LUZP2: variants seen among roughly 807,000 people sequenced by gnomAD.
LUZP2 encodes leucine zipper protein 2.
A neutral mutation model predicts 51.6 loss-of-function variants in LUZP2; 52 were observed. The observed-to-expected ratio is 1.01, with a 90% confidence interval of 0.81 to 1.27. The LOEUF is 1.27. LUZP2 is among the 50% of genes most tolerant of loss of function. LUZP2 has a pLI of 0.00. For synonymous variants in LUZP2, 154 were observed against 137.3 expected (o/e 1.12, Z -0.85); for missense variants, 436 against 395.4 (o/e 1.10, Z -0.87).
chr11:24,709,175 T>A (rs1011500902), intron 1 of LUZP2, among the ~76,000 whole-genome samples: 2 of 152,176 alleles, frequency 1.3e-5, no homozygotes, highest in African/African-American at 4.8e-5. Context: ...TCTGGATTTA[T>A]CACAGGACTT....
At chr11:24,601,296 C>G (rs1302479586) in intron 1 of LUZP2, among the ~76,000 whole-genome samples, 1 of 152,048 alleles carries the variant, frequency 6.6e-6, no homozygotes, top group East Asian at 1.9e-4. Flanking sequence ...TATTTTGAGG[C>G]CCTATACAGA....
chr11:25,016,991 T>C (rs893932391), intron 9 of LUZP2, among the ~76,000 whole-genome samples: 5 of 152,300 alleles, frequency 3.3e-5, no homozygotes, highest in African/African-American at 9.6e-5. Flanking sequence ...TGGTATCTCA[T>C]TGTGGTTTTA....
chr11:24,951,465 T>C (rs998615540), intron 7 of LUZP2, among the ~76,000 whole-genome samples: 1 of 151,498 alleles, frequency 6.6e-6, no homozygotes, highest in African/African-American at 2.4e-5. Context: ...TATTTTACGA[T>C]TATTTTTCTA....
At chr11:24,779,142 A>C (rs969217859) in intron 5 of LUZP2, among the ~76,000 whole-genome samples, 1 of 152,194 alleles carries the variant, frequency 6.6e-6, no homozygotes, top group Non-Finnish European at 1.5e-5. Context: ...TTGCACCTAT[A>C]TTTACATTAA....
At chr11:25,051,610 GT>G (rs1858518040) in intron 10 of LUZP2, among the ~76,000 whole-genome samples, 2 of 152,166 alleles carry the variant, frequency 1.3e-5, no homozygotes, top group African/African-American at 2.4e-5. Flanking sequence ...GGCGGGATAT[GT>G]GCTTACAGCA....
chr11:24,650,006 C>G lies in LUZP2; in HGVS notation c.63-79163C>G, dbSNP rs867387736. On this transcript the variant is annotated intron_variant, in intron 1 of 11. Coordinates refer to ENST00000336930, the MANE Select transcript of LUZP2 (RefSeq NM_001009909.4). ...ACACACACACACACACACACACACA[C>G]AGATAACATTTTGATGTTTTCTTAC... 3.7e-4 allele frequency among the ~76,000 whole-genome samples: 54 copies of G among 147,532 alleles called. No homozygotes were observed. In the East Asian group the frequency reaches 7.2e-3, roughly 20 times the overall value.
At chr11:24,909,385 A>G (rs1344372046) in intron 6 of LUZP2, among the ~76,000 whole-genome samples, 1 of 152,028 alleles carries the variant, frequency 6.6e-6, no homozygotes, top group Non-Finnish European at 1.5e-5. Flanking sequence ...CTGACACTTG[A>G]AAGATAGAGC....
intron 1 of LUZP2, among the ~76,000 whole-genome samples, chr11:24,504,102 C>A (rs1007043511): frequency 2.0e-5 from 3 of 152,126 alleles, no homozygotes; most frequent in African/African-American, 7.2e-5. Flanking sequence ...TATAATGGTT[C>A]CTGCTGACCT....
chr11:24,954,835 A>T (rs1316442121), intron 7 of LUZP2, among the ~76,000 whole-genome samples: 1 of 152,084 alleles, frequency 6.6e-6, no homozygotes, highest in African/African-American at 2.4e-5. Context: ...TATAACATAG[A>T]CGCTAAAATG....
At chr11:24,846,329 T>A (rs1300625628) in intron 5 of LUZP2, among the ~76,000 whole-genome samples, 4 of 151,260 alleles carry the variant, frequency 2.6e-5, no homozygotes, top group Non-Finnish European at 5.9e-5. Flanking sequence ...GCAAGTCAAA[T>A]CCGCCAAATA....
At chr11:25,074,864 A>G (rs1017407413) in intron 10 of LUZP2, among the ~76,000 whole-genome samples, 1 of 152,162 alleles carries the variant, frequency 6.6e-6, no homozygotes, top group East Asian at 1.9e-4. Flanking sequence ...AAGATATTGT[A>G]TAAGATTTCT....
rs184871260 is a variant in LUZP2, at chr11:25,038,618, G to T, written c.766-11420G>T. Among the ~76,000 whole-genome samples, 18 of 152,200 alleles carry T rather than the reference G, an allele frequency of 1.2e-4. No homozygotes were observed. The East Asian group carries it at 3.1e-3, about 26-fold the overall frequency. On this transcript the variant is annotated intron_variant, in intron 9 of 11. Coordinates refer to ENST00000336930, the MANE Select transcript of LUZP2 (RefSeq NM_001009909.4). ...CTCCTGGATCTCATTGAACTTCCTT[G>T]CCATCCAGATTCTGAATTCCAGTCT... is the stretch of plus-strand genomic sequence containing the variant.
chr11:24,507,240 T>C (rs1850170628), intron 1 of LUZP2, among the ~76,000 whole-genome samples: 1 of 152,078 alleles, frequency 6.6e-6, no homozygotes, highest in African/African-American at 2.4e-5. Flanking sequence ...CCTATGTATA[T>C]GAGAGCTTAG....
intron 7 of LUZP2, among the ~76,000 whole-genome samples, chr11:24,945,576 A>C (rs1276834026): frequency 6.8e-6 from 1 of 146,592 alleles, no homozygotes; most frequent in Non-Finnish European, 1.5e-5. Flanking sequence ...TCATCTTTCC[A>C]GTGTTTATAG....
At chr11:24,569,143 T>A (rs1288056340) in intron 1 of LUZP2, among the ~76,000 whole-genome samples, 1 of 152,112 alleles carries the variant, frequency 6.6e-6, no homozygotes, top group African/African-American at 2.4e-5. Context: ...TTCAACCTTA[T>A]GCTTTCTTTA....
intron 5 of LUZP2, among the ~76,000 whole-genome samples, chr11:24,790,291 T>C (rs1849372002): frequency 6.6e-6 from 1 of 152,086 alleles, no homozygotes; most frequent in African/African-American, 2.4e-5. Flanking sequence ...AAAAATACAT[T>C]TTTTCTGTTT....
chr11:24,866,012 T>C (rs1851882222), intron 5 of LUZP2, among the ~76,000 whole-genome samples: 1 of 151,630 alleles, frequency 6.6e-6, no homozygotes. Flanking sequence ...TTTCACCATG[T>C]TTGCCAGGTT....
At chr11:24,716,101 ATT>A (rs2133941340) in intron 1 of LUZP2, among the ~76,000 whole-genome samples, 1 of 152,322 alleles carries the variant, frequency 6.6e-6, no homozygotes, top group South Asian at 2.1e-4. Context: ...AATATTAGAT[ATT>A]GTTTAAAAAT....
intron 5 of LUZP2, among the ~76,000 whole-genome samples, chr11:24,798,053 T>C (rs901438): frequency 6.6e-6 from 1 of 152,156 alleles, no homozygotes; most frequent in African/African-American, 2.4e-5. Context: ...TTCTTTTGTT[T>C]TGTGTTATTA....
Sources: gnomAD v4.1 joint callset for allele counts (sites outside exome capture counted in the v4.1 genomes callset) on GRCh38, gnomAD v4.1.1 for gene constraint, MANE v1.5 for transcripts, NCBI Gene and HGNC (gene_info 2026-07-23, HGNC 2026-07-21) for gene names.